Variants in PRKCH observed in about 807,000 individuals in gnomAD.
PRKCH encodes the protein protein kinase C eta type.
PRKCH carries 28 observed loss-of-function variants against 82.5 expected under a neutral mutation model. The ratio of observed to expected loss-of-function variants is 0.34; its 90% CI spans 0.25 to 0.47. PRKCH has a LOEUF of 0.47. Among genes scored for constraint, PRKCH ranks in the 20% least tolerant of loss-of-function variants. The probability of loss-of-function intolerance (pLI) is 1.00; values close to 1 mark genes in which losing one functional copy is unlikely to be tolerated. For synonymous variants in PRKCH, 322 were observed against 327.4 expected (o/e 0.98, Z 0.18); for missense variants, 705 against 881.8 (o/e 0.80, Z 2.54).
intron 1 of PRKCH, among the ~76,000 whole-genome samples, chr14:61,299,180 T>G (rs2045429766): frequency 6.6e-6 from 1 of 152,126 alleles, no homozygotes; most frequent in South Asian, 2.1e-4. Context: ...TGTGTACTGG[T>G]GGACATGGGT....
intron 10 of PRKCH, among the ~76,000 whole-genome samples, chr14:61,506,403 G>A (rs969129267): frequency 2.6e-5 from 4 of 152,064 alleles, no homozygotes; most frequent in Non-Finnish European, 5.9e-5. Flanking sequence ...ATTGAAGTCA[G>A]GGGGGTGGGT....
At chr14:61,433,736 A>G in intron 2 of PRKCH, among the ~76,000 whole-genome samples, 1 of 152,362 alleles carries the variant, frequency 6.6e-6, no homozygotes, top group East Asian at 1.9e-4. Context: ...AGAAACAGCA[A>G]CTTTTAAAAA....
rs577270909 is a variant in PRKCH at position 61,341,523 on chromosome 14, G to T, written c.363+19059G>T. Among the ~76,000 whole-genome samples the T allele has an allele frequency of 2.6e-5, 4 of 152,312 alleles. No individual in the cohort carries two copies. The East Asian group carries it at 7.7e-4, about 29-fold the overall frequency. On this transcript the variant is annotated intron_variant, in intron 1 of 13. Coordinates refer to ENST00000332981, the MANE Select transcript of PRKCH (RefSeq NM_006255.5). The stretch of plus-strand genomic sequence containing the variant: ...GCTGTGGCCAGAGACCACAGTAGAT[G>T]CTGGGGGTGAAAAGCTCAAGGAGCT...
chr14:61,350,555 AAC>A (rs2140147679), intron 1 of PRKCH, among the ~76,000 whole-genome samples: 1 of 152,202 alleles, frequency 6.6e-6, no homozygotes, highest in Non-Finnish European at 1.5e-5. Context: ...TAGAAATTAC[AAC>A]AGAGACTCTC....
intron 1 of PRKCH, among the ~76,000 whole-genome samples, chr14:61,367,517 G>C (rs919722612): frequency 2.0e-5 from 3 of 151,798 alleles, no homozygotes; most frequent in African/African-American, 7.3e-5. Flanking sequence ...GCACCCAGTA[G>C]GTAGGTGCTC....
intron 1 of PRKCH, among the ~76,000 whole-genome samples, chr14:61,218,273 CTCTCTG>C (rs1428481827): frequency 6.6e-6 from 1 of 152,204 alleles, no homozygotes; most frequent in African/African-American, 2.4e-5. Flanking sequence ...CTCTCTCCCT[CTCTCTG>C]TCTCTGTCTC....
At chr14:61,263,213 G>A (rs1322758947) in intron 1 of PRKCH, among the ~76,000 whole-genome samples, 1 of 152,026 alleles carries the variant, frequency 6.6e-6, no homozygotes, top group Non-Finnish European at 1.5e-5. Flanking sequence ...TCATCACCCT[G>A]GACCTTGTGT....
intron 1 of PRKCH, among the ~76,000 whole-genome samples, chr14:61,218,370 G>C (rs1240847545): frequency 6.6e-6 from 1 of 152,162 alleles, no homozygotes; most frequent in African/African-American, 2.4e-5. Context: ...AGAAACGGAA[G>C]CATGACTGAG....
intron 1 of PRKCH, among the ~76,000 whole-genome samples, chr14:61,344,814 T>A (rs981180038): frequency 4.6e-4 from 70 of 152,124 alleles, no homozygotes; most frequent in African/African-American, 1.7e-3. Context: ...CAGATCCAGA[T>A]TGCTAGCCCC....
At chr14:61,418,165 G>GA (rs771194205) in intron 2 of PRKCH, among the ~76,000 whole-genome samples, 1 of 152,194 alleles carries the variant, frequency 6.6e-6, no homozygotes, top group African/African-American at 2.4e-5. Context: ...CTGCACGTAC[G>GA]ATGTAAGTGT....
chr14:61,264,152 AGTGCC>A (rs1318085686), intron 1 of PRKCH, among the ~76,000 whole-genome samples: 3 of 152,122 alleles, frequency 2.0e-5, no homozygotes, highest in Admixed American at 6.6e-5. Context: ...ATCTTCCTGG[AGTGCC>A]TGCTGCTAGC....
rs191298058 is a variant in PRKCH at position 61,219,767 on chromosome 14, C to T, written c.-19+32099C>T. 2.0e-3 allele frequency among the ~76,000 whole-genome samples: 303 copies of T among 152,286 alleles called. 1 individual carries two copies. The highest frequency in any genetic ancestry group is 7.2e-3 in the African/African-American group (298 of 41,554). On this transcript the variant is annotated intron_variant, in intron 1 of 3. Coordinates refer to the PRKCH transcript ENST00000555185. ...AAGAGCATTGTGTCAAGTTTTTCAG[C>T]TTTATAACGAAGCTTCTTTATAAAT...
At chr14:61,466,892 A>G (rs1401159800) in intron 9 of PRKCH, among the ~76,000 whole-genome samples, 1 of 152,136 alleles carries the variant, frequency 6.6e-6, no homozygotes, top group African/African-American at 2.4e-5. Context: ...CACTTCTCAA[A>G]TGGCCAACAA....
intron 1 of PRKCH, among the ~76,000 whole-genome samples, chr14:61,212,037 C>T (rs900146239): frequency 2.6e-5 from 4 of 152,188 alleles, no homozygotes; most frequent in African/African-American, 9.7e-5. Flanking sequence ...TCCCTCCATC[C>T]TTAACTGCTG....
chr14:61,542,217 G>C (rs1213159812), intron 12 of PRKCH, among the ~76,000 whole-genome samples: 1 of 152,090 alleles, frequency 6.6e-6, no homozygotes, highest in East Asian at 1.9e-4. Flanking sequence ...TTGAACCTGG[G>C]AGGGGGAGGT....
intron 10 of PRKCH, among the ~76,000 whole-genome samples, chr14:61,519,948 C>G (rs1217520776): frequency 6.6e-6 from 1 of 151,132 alleles, no homozygotes; most frequent in East Asian, 1.9e-4. Flanking sequence ...TCTAAGCAAA[C>G]AGGATGTTTT....
intron 10 of PRKCH, among the ~76,000 whole-genome samples, chr14:61,515,637 A>G (rs955664310): frequency 1.3e-5 from 2 of 152,174 alleles, no homozygotes; most frequent in African/African-American, 4.8e-5. Context: ...TACTGGTGCC[A>G]GACCATGTCA....
At chr14:61,442,562 T>G (rs970441125) in intron 2 of PRKCH, 1 of 152,436 alleles carries the variant, frequency 6.6e-6, no homozygotes, top group African/African-American at 2.4e-5. Context: ...TGGTCTGTGC[T>G]ACAAGAGATT....
chr14:61,305,646 A>G (rs1440730392), intron 1 of PRKCH: 1 of 152,128 alleles, frequency 6.6e-6, no homozygotes, highest in Non-Finnish European at 1.5e-5. Context: ...CATCGAATAA[A>G]TTTTACATTT....
Sources: gnomAD v4.1 joint callset for allele counts (sites outside exome capture counted in the v4.1 genomes callset) on GRCh38, gnomAD v4.1.1 for gene constraint, MANE v1.5 for transcripts, NCBI Gene and HGNC (gene_info 2026-07-23, HGNC 2026-07-21) for gene names.